The following GPR19 variants were observed in gnomAD, a reference collection of about 807,000 sequenced individuals.
GPR19 encodes the protein G protein-coupled receptor 19, also known as probable G protein-coupled receptor 19.
GPR19 carries 14 observed loss-of-function variants against 28.5 expected under a neutral mutation model. That is an observed-to-expected ratio of 0.49 (90% CI 0.32 to 0.77). The LOEUF (loss-of-function observed/expected upper bound fraction) is 0.77, where lower values mean the gene tolerates loss of function less well. Ranked by LOEUF, GPR19 falls within the 30% of genes least tolerant of loss-of-function variation. The pLI is 0.03. For synonymous variants in GPR19, 173 were observed against 184.1 expected (o/e 0.94, Z 0.49); for missense variants, 409 against 504.1 (o/e 0.81, Z 1.81).
At chr12:12,707,792 C>T in the GPR19 span, among the ~76,000 whole-genome samples, 1 of 151,734 alleles carries the variant, frequency 6.6e-6, no homozygotes. Flanking sequence ...CATCATAGCT[C>T]ACTGCGGGGT....
At chr12:12,690,913 A>T (rs1004586560) in intron 2 of GPR19, among the ~76,000 whole-genome samples, 8 of 152,110 alleles carry the variant, frequency 5.3e-5, no homozygotes, top group Admixed American at 1.3e-4. Context: ...GCAAGTTGGA[A>T]GTTTAATTAG....
intron 2 of GPR19, among the ~76,000 whole-genome samples, chr12:12,694,495 C>T (rs752235715): frequency 3.3e-5 from 5 of 151,640 alleles, no homozygotes; most frequent in African/African-American, 7.3e-5. Flanking sequence ...CGTGAGCTAC[C>T]GCGCCTGACC....
At chr12:12,717,197 A>G in the GPR19 span, 15 of 1,047,946 alleles carry the variant, frequency 1.4e-5, no homozygotes, top group Non-Finnish European at 4.6e-6. Flanking sequence ...CGACCAGCCA[A>G]TCTCCCGGCG....
intron 3 of GPR19, among the ~76,000 whole-genome samples, chr12:12,679,656 G>A (rs1427594625): frequency 3.3e-4 from 46 of 140,838 alleles, no homozygotes; most frequent in Non-Finnish European, 2.3e-4. Context: ...CTTGTCTCTG[G>A]AAAAAAAAAA....
the GPR19 span, among the ~76,000 whole-genome samples, chr12:12,715,552 A>G: frequency 1.3e-5 from 2 of 152,236 alleles, no homozygotes. Flanking sequence ...CACAGGCCAC[A>G]TCAAGGAAAC....
the GPR19 span, among the ~76,000 whole-genome samples, chr12:12,712,135 T>A: frequency 6.6e-6 from 1 of 152,212 alleles, no homozygotes; most frequent in Non-Finnish European, 1.5e-5. Flanking sequence ...CAGCTACACC[T>A]TTGCGGCTCA....
At chr12:12,671,322 T>C (rs1945853018) in intron 3 of GPR19, among the ~76,000 whole-genome samples, 1 of 151,024 alleles carries the variant, frequency 6.6e-6, no homozygotes, top group African/African-American at 2.4e-5. Flanking sequence ...AAAAAAATTG[T>C]TTCCATTAGA....
intron 2 of GPR19, 28 bp from the exon 3 acceptor site, chr12:12,684,535 C>G (rs1011109731): frequency 6.6e-6 from 1 of 152,274 alleles, no homozygotes; most frequent in Non-Finnish European, 1.5e-5. Context: ...TGACGCTGTG[C>G]AGGGTAGACT....
chr12:12,665,972 G>C (rs1945772446), intron 3 of GPR19, among the ~76,000 whole-genome samples: 1 of 152,054 alleles, frequency 6.6e-6, no homozygotes, highest in South Asian at 2.1e-4. Flanking sequence ...ACCCAGTTTT[G>C]CCCGGGTAAG....
chr12:12,714,403 C>A, the GPR19 span, among the ~76,000 whole-genome samples: 1 of 152,162 alleles, frequency 6.6e-6, no homozygotes, highest in Non-Finnish European at 1.5e-5. Flanking sequence ...GCGACGCTGG[C>A]GGCTTGCTCA....
chr12:12,687,036 A>C (rs1946107878), intron 2 of GPR19, among the ~76,000 whole-genome samples: 1 of 152,232 alleles, frequency 6.6e-6, no homozygotes, highest in Non-Finnish European at 1.5e-5. Flanking sequence ...TGACATTGGA[A>C]GAAGATAAAG....
intron 2 of GPR19, among the ~76,000 whole-genome samples, chr12:12,693,665 C>T (rs1053408046): frequency 6.6e-5 from 10 of 152,180 alleles, no homozygotes; most frequent in Non-Finnish European, 1.3e-4. Flanking sequence ...GCTCATGATG[C>T]CCTACTTATC....
chr12:12,664,793 G>T (rs1219612970), intron 3 of GPR19, among the ~76,000 whole-genome samples: 1 of 151,768 alleles, frequency 6.6e-6, no homozygotes, highest in Non-Finnish European at 1.5e-5. Context: ...GGTGGCAGGC[G>T]CCTGTGGTCC....
chr12:12,686,184 T>C (rs74475305), intron 2 of GPR19, among the ~76,000 whole-genome samples: 11,237 of 152,254 alleles, frequency 0.074, 559 homozygotes, highest in South Asian at 0.13. Context: ...AATGCTGACT[T>C]GCAATGTGTA....
intron 2 of GPR19, among the ~76,000 whole-genome samples, chr12:12,690,424 A>G (rs1393077287): frequency 6.6e-6 from 1 of 152,182 alleles, no homozygotes; most frequent in Non-Finnish European, 1.5e-5. Flanking sequence ...ACTCAGAGGA[A>G]GTGCAGGGAA....
rs1945682011 is a variant in GPR19, at chr12:12,661,977, AGAG to A, written c.469_471del (p.Leu157del). 1 of 1,612,938 alleles carries A rather than the reference AGAG, an allele frequency of 6.2e-7. No individual in the cohort carries two copies. Among genetic ancestry groups the A allele is most frequent in the Non-Finnish European group, 8.5e-7 (1 of 1,179,660 alleles). ...GTGTAGAACCGGTCTATGCAGATGG[AGAG>A]GAGAACGTAGATCTGGACACCTGGA... On this transcript the variant is annotated inframe_deletion, in exon 4 of 4. Coordinates refer to ENST00000651487, the MANE Select transcript of GPR19 (RefSeq NM_006143.3). This position sits in a 1 kb window ranked among gnomAD's most constrained non-coding sequence, Gnocchi z 4.2.
Position 12,662,039 on chromosome 12 carries a change from G to C in GPR19, c.410C>G (p.Thr137Arg). 6.2e-7 allele frequency: 1 copy of C among 1,614,218 alleles called. No individual in the cohort carries two copies. The highest frequency in any genetic ancestry group is 8.5e-7 in the Non-Finnish European group (1 of 1,180,028). ...TTGAAAATATCGCACAACCTTGCAC[G>C]TTGCACTACCCAGCGTCCACCTTCC... The part of the protein sequence containing the change: ...TTGRWTLGSA[T>R]CKVVRYFQYL... Residue 137 changes from threonine to arginine, a missense_variant, in exon 4 of 4, where the codon ACG becomes AGG. Transcript: ENST00000651487.
chr12:12,663,855 G>T (rs1228705128), intron 3 of GPR19, among the ~76,000 whole-genome samples: 2 of 152,182 alleles, frequency 1.3e-5, no homozygotes, highest in African/African-American at 4.8e-5. Flanking sequence ...AGGGGATGTG[G>T]CTCCAGCAAC....
chr12:12,689,679 T>A (rs1946155612), intron 2 of GPR19, among the ~76,000 whole-genome samples: 3 of 152,224 alleles, frequency 2.0e-5, no homozygotes, highest in Admixed American at 2.0e-4. Context: ...ATCTAAGGTC[T>A]GGCTGCCACA....
Sources: gnomAD v4.1 joint callset for allele counts (sites outside exome capture counted in the v4.1 genomes callset) on GRCh38, gnomAD v4.1.1 for gene constraint, Gnocchi (gnomAD v3.1) non-coding constraint, MANE v1.5 for transcripts, NCBI Gene and HGNC (gene_info 2026-07-23, HGNC 2026-07-21) for gene names.